The following MEIS1 variants were observed in gnomAD, a reference collection of about 807,000 sequenced individuals.
MEIS1 encodes the protein homeobox protein Meis1.
Under a neutral mutation model 50.8 loss-of-function variants are expected in MEIS1, and 5 were observed. The ratio of observed to expected loss-of-function variants is 0.10; its 90% CI spans 0.05 to 0.21. MEIS1 has a LOEUF of 0.21. Ranked by LOEUF, MEIS1 falls within the 10% of genes least tolerant of loss-of-function variation. MEIS1 has a pLI of 1.00. For synonymous variants in MEIS1, 176 were observed against 179.3 expected (o/e 0.98, Z 0.15); for missense variants, 318 against 517.3 (o/e 0.61, Z 3.74).
At chr2:66,556,343 C>T (rs1227865898) in intron 9 of MEIS1, among the ~76,000 whole-genome samples, 1 of 152,172 alleles carries the variant, frequency 6.6e-6, no homozygotes, top group Non-Finnish European at 1.5e-5. Flanking sequence ...AAGATTAGAT[C>T]CTATGGTTGA....
intron 7 of MEIS1, among the ~76,000 whole-genome samples, chr2:66,480,025 C>T (rs1303466389): frequency 2.0e-5 from 3 of 152,054 alleles, no homozygotes; most frequent in Admixed American, 2.0e-4. Flanking sequence ...GATTCTTGCC[C>T]TGTGGAAATC....
chr2:66,552,174 G>A (rs72824821), intron 9 of MEIS1, among the ~76,000 whole-genome samples: 3,352 of 152,102 alleles, frequency 0.022, 50 homozygotes, highest in Non-Finnish European at 0.031. Flanking sequence ...CCAGTGTTGC[G>A]GACCTGGGAA....
At chr2:66,554,280 T>C (rs182921686) in intron 9 of MEIS1, among the ~76,000 whole-genome samples, 1 of 152,354 alleles carries the variant, frequency 6.6e-6, no homozygotes, top group Admixed American at 6.5e-5. Flanking sequence ...CAGCACAACT[T>C]GTTGCAAATC....
At position 66,464,256 on chromosome 2, in the gene MEIS1, C is replaced by G. The variant is rs1223408708; in HGVS notation, c.742+36C>G. Reference sequence around the variant, plus strand: ...TGTTATTCTCTTTTGCTACTTGTTTCATTTTTAAGGATTGAAAAATCAGAA... The same window carrying G: ...TGTTATTCTCTTTTGCTACTTGTTTGATTTTTAAGGATTGAAAAATCAGAA... On this transcript the variant is annotated intron_variant, in intron 7 of 12. Coordinates refer to ENST00000272369, the MANE Select transcript of MEIS1 (RefSeq NM_002398.3). The G allele has an allele frequency of 4.7e-6, 7 of 1,499,338 alleles. No individual in the cohort carries two copies. In the South Asian group the frequency reaches 8.4e-5, roughly 18 times the overall value. 92.9% of individuals were successfully genotyped at this position (1,499,338 alleles called of 1,614,324 possible).
At chr2:66,486,582 C>T (rs1673148007) in intron 7 of MEIS1, among the ~76,000 whole-genome samples, 1 of 152,168 alleles carries the variant, frequency 6.6e-6, no homozygotes. Context: ...GCTATACAGG[C>T]TCTTTTTTGG....
chr2:66,571,830 T>G lies in MEIS1; in HGVS notation c.*622T>G, dbSNP rs1675495133. ...AAATGTGAAATTTTTCCACACTATG[T>G]GTGTTGTTTCCATAGCTCTTCACTT... is the stretch of plus-strand genomic sequence containing the variant. On this transcript the variant is annotated 3_prime_UTR_variant, in exon 13 of 13. Transcript: ENST00000272369. 6.1e-6 allele frequency: 2 copies of G among 326,060 alleles called. No individual in the cohort carries two copies. Among genetic ancestry groups the G allele is most frequent in the Admixed American group, 1.0e-4 (2 of 19,226 alleles). 20.2% of individuals were successfully genotyped at this position (326,060 alleles called of 1,614,324 possible).
intron 9 of MEIS1, among the ~76,000 whole-genome samples, chr2:66,566,766 G>A (rs983543092): frequency 2.1e-5 from 3 of 145,720 alleles, no homozygotes; most frequent in African/African-American, 7.5e-5. Flanking sequence ...TTCAATTACT[G>A]TATATCTGTG....
intron 6 of MEIS1, chr2:66,461,908 C>G: frequency 2.1e-6 from 1 of 470,564 alleles, no homozygotes; most frequent in Non-Finnish European, 4.4e-6. Context: ...ATCACAAACA[C>G]TGGGCTCAGG....
At chr2:66,526,390 G>A (rs1436932152) in intron 8 of MEIS1, among the ~76,000 whole-genome samples, 1 of 152,192 alleles carries the variant, frequency 6.6e-6, no homozygotes, top group Non-Finnish European at 1.5e-5. Context: ...AGTCACCCAT[G>A]GCAGGCCGGG....
rs575859427 is a variant in MEIS1, at chr2:66,469,162, G to A, written c.742+4942G>A. On this transcript the variant is annotated intron_variant, in intron 7 of 12. Transcript: ENST00000272369. Reference sequence around the variant, plus strand: ...CACTTATGAACTTCTCCTTTAGGAGGCAGGACTCAGAATAACAATAGTACC... The same window carrying A: ...CACTTATGAACTTCTCCTTTAGGAGACAGGACTCAGAATAACAATAGTACC... Among the ~76,000 whole-genome samples the A allele has an allele frequency of 1.1e-3, 167 of 151,422 alleles. 1 individual carries two copies. The highest frequency in any genetic ancestry group is 4.0e-3 in the African/African-American group (163 of 41,020).
chr2:66,478,726 G>A (rs574811783), intron 7 of MEIS1, among the ~76,000 whole-genome samples: 15 of 152,284 alleles, frequency 9.9e-5, no homozygotes, highest in Middle Eastern at 3.4e-3. Context: ...ATAGACACAC[G>A]CACACATAAC....
chr2:66,480,727 G>T (rs1038557750), intron 7 of MEIS1, among the ~76,000 whole-genome samples: 1 of 152,120 alleles, frequency 6.6e-6, no homozygotes, highest in Admixed American at 6.5e-5. Flanking sequence ...TGCTGTCTAA[G>T]AAAACGATAG....
At chr2:66,535,289 T>C (rs999470445) in intron 8 of MEIS1, among the ~76,000 whole-genome samples, 3 of 152,204 alleles carry the variant, frequency 2.0e-5, no homozygotes, top group African/African-American at 7.2e-5. Flanking sequence ...CACCAGTAAT[T>C]GTGAGGTTCA....
chr2:66,571,970 C>A lies in MEIS1; in HGVS notation c.*762C>A, dbSNP rs1409698869. On this transcript the variant is annotated 3_prime_UTR_variant, in exon 13 of 13. Transcript: ENST00000272369. Reference sequence around the variant, plus strand: ...ATAACTATCAGGCAGAAGAATCTTTCTTCTCGCCTAGGATTTCAGCCATGC... The same window carrying A: ...ATAACTATCAGGCAGAAGAATCTTTATTCTCGCCTAGGATTTCAGCCATGC... The A allele has an allele frequency of 5.8e-6, 1 of 173,030 alleles. No individual in the cohort carries two copies. Among genetic ancestry groups the A allele is most frequent in the Admixed American group, 6.5e-5 (1 of 15,500 alleles). The allele number at this position is 173,030 out of a possible 1,614,324, so 10.7% of individuals were successfully genotyped here. A position where few individuals can be genotyped will look rare whatever the true frequency, so the allele number is the denominator to read the frequency against.
chr2:66,548,062 C>T (rs1674833018), intron 9 of MEIS1, 43 bp downstream of exon 9: 1 of 1,579,246 alleles, frequency 6.3e-7, no homozygotes, highest in South Asian at 1.1e-5. Flanking sequence ...CTGTTTCCCC[C>T]TCTGGCAACC....
intron 7 of MEIS1, among the ~76,000 whole-genome samples, chr2:66,502,106 C>G (rs988532335): frequency 6.6e-6 from 1 of 152,190 alleles, no homozygotes; most frequent in Non-Finnish European, 1.5e-5. Flanking sequence ...CCTAGATATA[C>G]ATACAGATGT....
chr2:66,473,731 C>G (rs1672824043), intron 7 of MEIS1, among the ~76,000 whole-genome samples: 1 of 151,972 alleles, frequency 6.6e-6, no homozygotes, highest in Non-Finnish European at 1.5e-5. Flanking sequence ...CATGGATCTC[C>G]CTTGAGGAGG....
intron 7 of MEIS1, among the ~76,000 whole-genome samples, chr2:66,498,144 G>C (rs898176878): frequency 2.0e-5 from 3 of 152,246 alleles, no homozygotes; most frequent in South Asian, 2.1e-4. Flanking sequence ...TTGAGTGGGG[G>C]ATTCAGATTA....
At position 66,549,501 on chromosome 2, in the gene MEIS1, G is replaced by C. The variant is rs967986686; in HGVS notation, c.965+1482G>C. Among the ~76,000 whole-genome samples, 7 of 151,878 alleles carry C rather than the reference G, an allele frequency of 4.6e-5. No homozygotes were observed. The South Asian group carries it at 6.2e-4, about 14-fold the overall frequency. On this transcript the variant is annotated intron_variant, in intron 9 of 12. Transcript: ENST00000272369. ...TCAAATATGTAATAATTTCATATTTGAAATATGAAATTTCAAATATGTAAT... is the reference window on the plus strand; with the variant it reads ...TCAAATATGTAATAATTTCATATTTCAAATATGAAATTTCAAATATGTAAT...
Sources: gnomAD v4.1 joint callset for allele counts (sites outside exome capture counted in the v4.1 genomes callset) on GRCh38, gnomAD v4.1.1 for gene constraint, MANE v1.5 for transcripts, NCBI Gene and HGNC (gene_info 2026-07-23, HGNC 2026-07-21) for gene names.